The following CSMD1 variants were observed in gnomAD, a reference collection of about 807,000 sequenced individuals.
CSMD1 encodes the protein CUB and Sushi multiple domains 1, also known as CUB and sushi domain-containing protein 1.
A neutral mutation model predicts 417.5 loss-of-function variants in CSMD1; 213 were observed. The ratio of observed to expected loss-of-function variants is 0.51; its 90% CI spans 0.46 to 0.57. CSMD1 has a LOEUF of 0.57. Among genes scored for constraint, CSMD1 ranks in the 20% least tolerant of loss-of-function variants. CSMD1 has a pLI of 0.00. For synonymous variants in CSMD1, 2,862 were observed against 1,736.8 expected, an observed-to-expected ratio of 1.65 and a Z score of -16.11; for missense variants, 6,923 against 4,529.7, an observed-to-expected ratio of 1.53 and a Z score of -15.17.
At chr8:4,031,533 G>C (rs916370419) in intron 4 of CSMD1, among the ~76,000 whole-genome samples, 1 of 152,186 alleles carries the variant, frequency 6.6e-6, no homozygotes, top group African/African-American at 2.4e-5. Flanking sequence ...TGTGGGAATT[G>C]TGGGAACTAC....
At chr8:4,914,150 C>T (rs900523144) in intron 1 of CSMD1, among the ~76,000 whole-genome samples, 33 of 152,082 alleles carry the variant, frequency 2.2e-4, no homozygotes, top group African/African-American at 7.0e-4. Context: ...CTGAAAAGTG[C>T]ATATAAAGTT....
At chr8:3,217,653 A>C (rs1362469020) in intron 29 of CSMD1, among the ~76,000 whole-genome samples, 1 of 152,218 alleles carries the variant, frequency 6.6e-6, no homozygotes, top group African/African-American at 2.4e-5. Flanking sequence ...GTTTTCAACT[A>C]TTCCTAAACG....
intron 49 of CSMD1, among the ~76,000 whole-genome samples, chr8:3,057,320 C>T (rs753381382): frequency 2.8e-4 from 43 of 152,010 alleles, no homozygotes; most frequent in Admixed American, 1.4e-3. Flanking sequence ...CAAATATGCA[C>T]GCAAAACATT....
intron 3 of CSMD1, among the ~76,000 whole-genome samples, chr8:4,091,139 G>A (rs1009300919): frequency 2.0e-5 from 3 of 151,934 alleles, no homozygotes; most frequent in Non-Finnish European, 2.9e-5. Flanking sequence ...GGCTGGTCTC[G>A]AATTCCTGAC....
chr8:4,562,390 G>A (rs377198045), intron 2 of CSMD1, among the ~76,000 whole-genome samples: 15 of 152,260 alleles, frequency 9.9e-5, no homozygotes, highest in African/African-American at 2.9e-4. Context: ...CATGAACCTA[G>A]CCCTCAAATT....
chr8:4,816,298 C>T (rs1312322931), intron 1 of CSMD1, among the ~76,000 whole-genome samples: 3 of 152,020 alleles, frequency 2.0e-5, no homozygotes, highest in Non-Finnish European at 4.4e-5. Flanking sequence ...GATTCTCCTG[C>T]CTCAGCCTGC....
chr8:4,510,911 C>A (rs1432092128), intron 2 of CSMD1, among the ~76,000 whole-genome samples: 1 of 146,976 alleles, frequency 6.8e-6, no homozygotes, highest in East Asian at 2.2e-4. Context: ...TCCTCCCTCT[C>A]CCTGTCCCTC....
chr8:3,848,007 G>C (rs1043970122), intron 5 of CSMD1, among the ~76,000 whole-genome samples: 11 of 151,278 alleles, frequency 7.3e-5, no homozygotes, highest in Non-Finnish European at 1.3e-4. Context: ...ATCTTGGATG[G>C]GGCACTTCTT....
chr8:4,279,085 A>T (rs1441360301), intron 3 of CSMD1, among the ~76,000 whole-genome samples: 3 of 152,094 alleles, frequency 2.0e-5, no homozygotes, highest in East Asian at 3.9e-4. Flanking sequence ...ACATTTTCCT[A>T]ATTTTTTTTT....
intron 5 of CSMD1, among the ~76,000 whole-genome samples, chr8:3,945,858 C>A (rs1811187758): frequency 6.6e-6 from 1 of 152,050 alleles, no homozygotes; most frequent in Non-Finnish European, 1.5e-5. Flanking sequence ...TGTAGTGAAT[C>A]ATTATTCCAG....
At chr8:4,810,768 G>A (rs796183816) in intron 1 of CSMD1, among the ~76,000 whole-genome samples, 1 of 152,156 alleles carries the variant, frequency 6.6e-6, no homozygotes, top group African/African-American at 2.4e-5. Context: ...TGAAAAAGCT[G>A]AAGAAAGTGC....
At chr8:4,550,437 A>G (rs542019135) in intron 2 of CSMD1, among the ~76,000 whole-genome samples, 3 of 152,068 alleles carry the variant, frequency 2.0e-5, no homozygotes, top group South Asian at 2.1e-4. Context: ...CTATTAAAAA[A>G]ACTGTAAACT....
chr8:4,950,874 A>G (rs182051320), intron 1 of CSMD1, among the ~76,000 whole-genome samples: 1 of 152,264 alleles, frequency 6.6e-6, no homozygotes, highest in African/African-American at 2.4e-5. Context: ...GGCTTAAGAA[A>G]AAGTACCAGG....
At chr8:4,367,010 T>C (rs77526957) in intron 3 of CSMD1, among the ~76,000 whole-genome samples, 5 of 152,206 alleles carry the variant, frequency 3.3e-5, no homozygotes, top group Non-Finnish European at 7.3e-5. Flanking sequence ...GCTTACTCTG[T>C]TGATAACTTC....
At chr8:3,889,207 C>T (rs931689673) in intron 5 of CSMD1, among the ~76,000 whole-genome samples, 1 of 151,234 alleles carries the variant, frequency 6.6e-6, no homozygotes, top group African/African-American at 2.4e-5. Context: ...AACTTAGCAG[C>T]AGCAATAATA....
chr8:3,604,354 AG>A (rs1426059230), intron 8 of CSMD1, among the ~76,000 whole-genome samples: 1 of 152,218 alleles, frequency 6.6e-6, no homozygotes, highest in Non-Finnish European at 1.5e-5. Flanking sequence ...AGCACGGAAC[AG>A]GTACCTCATG....
intron 36 of CSMD1, among the ~76,000 whole-genome samples, chr8:3,185,990 A>C (rs891483145): frequency 2.6e-5 from 4 of 151,914 alleles, no homozygotes; most frequent in African/African-American, 9.7e-5. Flanking sequence ...ATCTGTTAAG[A>C]TATTTTAATT....
intron 7 of CSMD1, among the ~76,000 whole-genome samples, chr8:3,658,677 G>C (rs908288765): frequency 6.6e-6 from 1 of 151,964 alleles, no homozygotes; most frequent in Non-Finnish European, 1.5e-5. Flanking sequence ...CAGCTACTCA[G>C]GAGGCTGAGG....
chr8:3,223,455 G>A (rs1254681370), intron 28 of CSMD1, among the ~76,000 whole-genome samples: 2 of 152,024 alleles, frequency 1.3e-5, no homozygotes, highest in African/African-American at 2.4e-5. Context: ...TATTTTTAAC[G>A]AACATTCTGT....
Sources: allele counts gnomAD v4.1 joint callset (sites outside exome capture counted in the v4.1 genomes callset), GRCh38; gene constraint gnomAD v4.1.1; transcripts MANE v1.5; gene names NCBI Gene and HGNC (gene_info 2026-07-23, HGNC 2026-07-21).